The following GPC5 variants were observed in gnomAD, a reference collection of about 807,000 sequenced individuals.
GPC5 encodes the protein glypican-5.
A neutral mutation model predicts 53.9 loss-of-function variants in GPC5; 47 were observed. The ratio of observed to expected loss-of-function variants is 0.87; its 90% CI spans 0.69 to 1.11. GPC5 has a LOEUF of 1.11. GPC5 is among the 50% of genes most tolerant of loss of function. GPC5 has a pLI of 0.00. For synonymous variants in GPC5, 286 were observed against 263.3 expected (o/e 1.09, Z -0.84); for missense variants, 748 against 713.1 (o/e 1.05, Z -0.56).
At chr13:92,376,555 G>A (rs538592665) in intron 7 of GPC5, among the ~76,000 whole-genome samples, 5 of 152,172 alleles carry the variant, frequency 3.3e-5, no homozygotes, top group Non-Finnish European at 7.3e-5. Context: ...ATTAAGTGCA[G>A]TAAGTTCCTC....
intron 2 of GPC5, among the ~76,000 whole-genome samples, chr13:91,482,686 G>A (rs1176194084): frequency 4.6e-5 from 7 of 152,148 alleles, no homozygotes; most frequent in African/African-American, 2.4e-5. Context: ...GAGGCTTCTT[G>A]TTTCCCAGGG....
chr13:91,532,997 G>T (rs1244833271), intron 2 of GPC5, among the ~76,000 whole-genome samples: 3 of 152,214 alleles, frequency 2.0e-5, no homozygotes, highest in African/African-American at 7.2e-5. Flanking sequence ...ATTACCAATG[G>T]AGAAAGGATG....
chr13:92,454,492 A>T (rs142613989), intron 7 of GPC5, among the ~76,000 whole-genome samples: 5 of 152,360 alleles, frequency 3.3e-5, no homozygotes, highest in Admixed American at 3.3e-4. Context: ...AGAATAACAC[A>T]TTCCATGATA....
chr13:92,698,485 A>T (rs972172119), intron 7 of GPC5, among the ~76,000 whole-genome samples: 7 of 152,282 alleles, frequency 4.6e-5, no homozygotes, highest in East Asian at 3.9e-4. Context: ...GTCCCTACAA[A>T]GGACATGAAC....
chr13:91,897,004 A>T (rs1255713894), intron 5 of GPC5, among the ~76,000 whole-genome samples: 1 of 137,834 alleles, frequency 7.3e-6, no homozygotes, highest in Admixed American at 7.4e-5. Flanking sequence ...TTATTTTCCC[A>T]ACTCCTCCTC....
At chr13:92,084,461 G>A (rs2041320813) in intron 6 of GPC5, among the ~76,000 whole-genome samples, 2 of 152,202 alleles carry the variant, frequency 1.3e-5, no homozygotes, top group African/African-American at 4.8e-5. Flanking sequence ...AGTCAGTTGA[G>A]TCTGGGCTCT....
intron 2 of GPC5, among the ~76,000 whole-genome samples, chr13:91,586,012 C>A: frequency 9.7e-6 from 1 of 103,590 alleles, no homozygotes; most frequent in Non-Finnish European, 1.8e-5. Flanking sequence ...CCCCACCCCC[C>A]ACCCCACTGG....
chr13:92,754,248 G>A (rs1874738261), intron 7 of GPC5, among the ~76,000 whole-genome samples: 1 of 152,110 alleles, frequency 6.6e-6, no homozygotes. Flanking sequence ...AAGTGAAGGA[G>A]AAATAAAATA....
intron 2 of GPC5, among the ~76,000 whole-genome samples, chr13:91,560,237 A>G (rs1418985023): frequency 6.6e-6 from 1 of 152,146 alleles, no homozygotes; most frequent in East Asian, 1.9e-4. Context: ...CTACATGTGT[A>G]TCTCCTACAA....
At chr13:92,161,989 A>ATATATATATG (rs1566463109) in intron 7 of GPC5, among the ~76,000 whole-genome samples, 3 of 121,590 alleles carry the variant, frequency 2.5e-5, no homozygotes, top group Non-Finnish European at 5.2e-5. Flanking sequence ...ATATATATAT[A>ATATATATATG]TATATATGAA....
In GPC5 at chr13:91,530,938, A is replaced by G. The variant is rs369654183; in HGVS notation, c.325+82016A>G. 1.1e-4 allele frequency among the ~76,000 whole-genome samples: 16 copies of G among 152,334 alleles called. 1 individual carries two copies. The highest frequency in any genetic ancestry group is 3.4e-4 in the African/African-American group (14 of 41,572). On this transcript the variant is annotated intron_variant, in intron 2 of 7. Transcript: ENST00000377067. The stretch of plus-strand genomic sequence containing the variant: ...TAGGGTTGAACAATAGTTCTTTGGT[A>G]TCATGGTATGGATAGATCTCTCAGA...
intron 7 of GPC5, among the ~76,000 whole-genome samples, chr13:92,729,398 C>T (rs1484330281): frequency 1.3e-5 from 2 of 151,302 alleles, no homozygotes; most frequent in Non-Finnish European, 3.0e-5. Flanking sequence ...ATAAAACACA[C>T]AATGTATTTC....
At chr13:92,027,740 C>T (rs1365544518) in intron 6 of GPC5, among the ~76,000 whole-genome samples, 1 of 152,114 alleles carries the variant, frequency 6.6e-6, no homozygotes, top group Non-Finnish European at 1.5e-5. Flanking sequence ...AGTAAACTTA[C>T]CCATTCACTT....
chr13:91,880,475 T>A (rs1416838118), intron 5 of GPC5, among the ~76,000 whole-genome samples: 1 of 152,172 alleles, frequency 6.6e-6, no homozygotes, highest in Non-Finnish European at 1.5e-5. Context: ...TTTGCTTGTA[T>A]GTTTTGCTGT....
intron 7 of GPC5, among the ~76,000 whole-genome samples, chr13:92,186,902 A>G (rs2042187861): frequency 6.6e-6 from 1 of 152,182 alleles, no homozygotes; most frequent in Non-Finnish European, 1.5e-5. Flanking sequence ...ACATGGGGTT[A>G]GGAGTTTGAG....
At chr13:92,166,326 G>A (rs977694868) in intron 7 of GPC5, among the ~76,000 whole-genome samples, 3 of 152,074 alleles carry the variant, frequency 2.0e-5, no homozygotes, top group African/African-American at 4.8e-5. Context: ...TAATGTCCAG[G>A]ACCTTAACAA....
intron 2 of GPC5, among the ~76,000 whole-genome samples, chr13:91,615,908 C>T (rs1435216175): frequency 2.6e-5 from 4 of 152,018 alleles, no homozygotes; most frequent in Non-Finnish European, 2.9e-5. Flanking sequence ...GTCTTTAATT[C>T]GTGGATTTTC....
intron 5 of GPC5, among the ~76,000 whole-genome samples, chr13:91,774,032 T>C (rs2037668836): frequency 6.6e-6 from 1 of 152,214 alleles, no homozygotes; most frequent in Non-Finnish European, 1.5e-5. Context: ...TGCAAATGCA[T>C]TGCTTTTCTC....
At chr13:91,721,455 C>T (rs1289800563) in intron 3 of GPC5, among the ~76,000 whole-genome samples, 1 of 152,054 alleles carries the variant, frequency 6.6e-6, no homozygotes, top group Non-Finnish European at 1.5e-5. Flanking sequence ...TTTCTTATGC[C>T]CTGTGCATAC....
Sources: gnomAD v4.1 joint callset for allele counts (sites outside exome capture counted in the v4.1 genomes callset) on GRCh38, gnomAD v4.1.1 for gene constraint, MANE v1.5 for transcripts, NCBI Gene and HGNC (gene_info 2026-07-23, HGNC 2026-07-21) for gene names.